The following TDRD5 variants were observed in gnomAD, a reference collection of about 807,000 sequenced individuals.
TDRD5 encodes the protein tudor domain containing 5.
TDRD5 carries 41 observed loss-of-function variants against 120.6 expected under a neutral mutation model. That is an observed-to-expected ratio of 0.34 (90% CI 0.26 to 0.44). TDRD5 has a LOEUF of 0.44. TDRD5 is among the 20% of genes least tolerant of loss of function. The pLI, the probability that TDRD5 is intolerant of heterozygous loss-of-function variation, is 1.00. For missense variants in TDRD5, 1,006 were observed against 1,221.2 expected (o/e 0.82, Z 2.63); for synonymous variants, 430 against 433.7 (o/e 0.99, Z 0.11).
Position 179,635,699 on chromosome 1 carries a change from G to C in TDRD5, c.1332G>C (p.Leu444Phe). The C allele has an allele frequency of 6.2e-7, 1 of 1,613,668 alleles. No individual in the cohort carries two copies. Among genetic ancestry groups the C allele is most frequent in the African/African-American group, 1.3e-5 (1 of 74,864 alleles). ...QVETNKSELN[L>F]AMANHDIPPD... ...AAACAAACAAATCAGAGCTCAACTT[G>C]GCAATGGCAAATCATGACATCCCGC... The change falls in exon 9 of 18, where the codon TTG (leucine) becomes TTC (phenylalanine). Residue 444 changes from leucine (L) to phenylalanine (F), a missense_variant. Leu to Phe is a conservative substitution (Grantham distance 22). Around this residue, in one of 3 missense-constraint regions of TDRD5, gnomAD observed 445 missense variants for 515.5 expected, o/e 0.86. Coordinates refer to ENST00000444136, the MANE Select transcript of TDRD5 (RefSeq NM_001199085.3).
chr1:179,633,532 A>G (rs777821377), intron 7 of TDRD5, among the ~76,000 whole-genome samples: 18 of 151,602 alleles, frequency 1.2e-4, no homozygotes, highest in Admixed American at 3.3e-4. Context: ...TTGTATTTTT[A>G]GTAGAGATGG....
intron 14 of TDRD5, among the ~76,000 whole-genome samples, chr1:179,656,138 T>C (rs771518506): frequency 1.3e-5 from 2 of 152,250 alleles, no homozygotes; most frequent in Non-Finnish European, 2.9e-5. Flanking sequence ...GCCATTTTAA[T>C]AGGTGTGTAG....
At chr1:179,655,156 A>C (rs1273962308) in intron 14 of TDRD5, among the ~76,000 whole-genome samples, 1 of 151,926 alleles carries the variant, frequency 6.6e-6, no homozygotes, top group African/African-American at 2.4e-5. Context: ...TCATGTTGTT[A>C]TTTGTTATTT....
intron 7 of TDRD5, 117 bp downstream of exon 7, chr1:179,631,037 T>C: frequency 9.7e-7 from 1 of 1,027,924 alleles, no homozygotes; most frequent in Non-Finnish European, 1.4e-6. Flanking sequence ...TCCTTTCTGG[T>C]GGTATTTGTT....
chr1:179,639,475 A>G (rs1016980027), intron 9 of TDRD5, among the ~76,000 whole-genome samples: 7 of 152,224 alleles, frequency 4.6e-5, no homozygotes, highest in African/African-American at 1.2e-4. Flanking sequence ...CGCTGCAGCA[A>G]GATAATGTGT....
intron 8 of TDRD5, 74 bp from the exon 9 acceptor site, chr1:179,635,593 T>C (rs1239429323): frequency 7.5e-7 from 1 of 1,325,180 alleles, no homozygotes; most frequent in Non-Finnish European, 1.0e-6. Context: ...ATTCATGAAA[T>C]GTGCTTTGAG....
chr1:179,648,858 G>T (rs977160879), intron 11 of TDRD5, among the ~76,000 whole-genome samples: 1 of 152,066 alleles, frequency 6.6e-6, no homozygotes, highest in Non-Finnish European at 1.5e-5. Context: ...CCTTCGTCAG[G>T]ACCCATTTTC....
chr1:179,615,252 G>A (rs888547746), intron 4 of TDRD5, among the ~76,000 whole-genome samples: 4 of 152,046 alleles, frequency 2.6e-5, no homozygotes, highest in Non-Finnish European at 4.4e-5. Context: ...CACTTAATAC[G>A]GTGTACAGCA....
intron 4 of TDRD5, among the ~76,000 whole-genome samples, chr1:179,610,171 A>C (rs1300094532): frequency 6.6e-6 from 1 of 152,198 alleles, no homozygotes; most frequent in Non-Finnish European, 1.5e-5. Flanking sequence ...CTTTTATTTT[A>C]AATGGTGAAA....
At chr1:179,630,100 C>A (rs1207558985) in intron 6 of TDRD5, among the ~76,000 whole-genome samples, 1 of 151,936 alleles carries the variant, frequency 6.6e-6, no homozygotes, top group African/African-American at 2.4e-5. Flanking sequence ...CGGGTTCATG[C>A]CATTCTCCGG....
chr1:179,620,321 G>GAT (rs1304771618), intron 5 of TDRD5, among the ~76,000 whole-genome samples: 1 of 151,904 alleles, frequency 6.6e-6, no homozygotes, highest in Non-Finnish European at 1.5e-5. Context: ...ACTTTATTGG[G>GAT]ATAGAGTAAG....
chr1:179,657,627 C>A (rs1374743209), intron 14 of TDRD5, among the ~76,000 whole-genome samples: 2 of 88,710 alleles, frequency 2.3e-5, no homozygotes, highest in East Asian at 9.0e-4. Flanking sequence ...TAAAATAAAT[C>A]TGAATATATT....
intron 5 of TDRD5, among the ~76,000 whole-genome samples, chr1:179,619,975 A>G (rs764590367): frequency 6.6e-6 from 1 of 152,224 alleles, no homozygotes; most frequent in Non-Finnish European, 1.5e-5. Context: ...TTATGTATCA[A>G]TATTGGATAT....
chr1:179,599,905 T>C (rs1675613327), intron 4 of TDRD5, among the ~76,000 whole-genome samples: 1 of 152,188 alleles, frequency 6.6e-6, no homozygotes, highest in African/African-American at 2.4e-5. Context: ...GTGACAGTCA[T>C]ATATATAGCA....
At chr1:179,681,001 C>T (rs1433510157) in intron 17 of TDRD5, among the ~76,000 whole-genome samples, 1 of 152,100 alleles carries the variant, frequency 6.6e-6, no homozygotes, top group African/African-American at 2.4e-5. Context: ...CCAAAGATTC[C>T]AATTAAAAGA....
Position 179,691,164 on chromosome 1 carries a change from G to C in TDRD5, c.*221G>C. 2.0e-6 allele frequency: 1 copy of C among 509,236 alleles called. No individual in the cohort carries two copies. Among genetic ancestry groups the C allele is most frequent in the Non-Finnish European group, 3.1e-6 (1 of 320,420 alleles). 31.5% of individuals were successfully genotyped at this position (509,236 alleles called of 1,614,324 possible). A position where few individuals can be genotyped will look rare whatever the true frequency, so the allele number is the denominator to read the frequency against. On this transcript the variant is annotated 3_prime_UTR_variant, in exon 18 of 18. Coordinates refer to ENST00000444136, the MANE Select transcript of TDRD5 (RefSeq NM_001199085.3). ...TCTTGATTTTTCTTGATTTTATTCT[G>C]TGTCATTTTGTTCACCTTTGTTTTT...
At chr1:179,687,095 T>C (rs991375132) in intron 17 of TDRD5, among the ~76,000 whole-genome samples, 1 of 152,198 alleles carries the variant, frequency 6.6e-6, no homozygotes, top group Non-Finnish European at 1.5e-5. Context: ...CTTTTGAATG[T>C]GTTTGCTCTT....
intron 5 of TDRD5, 78 bp from the exon 6 acceptor site, chr1:179,620,957 A>G: frequency 8.8e-7 from 1 of 1,135,930 alleles, no homozygotes; most frequent in Non-Finnish European, 1.2e-6. Context: ...CTTTGTTGTT[A>G]TTTGTTTATA....
At chr1:179,603,018 G>A (rs1675799168) in intron 4 of TDRD5, among the ~76,000 whole-genome samples, 1 of 152,158 alleles carries the variant, frequency 6.6e-6, no homozygotes, top group South Asian at 2.1e-4. Context: ...AGCATGGGAT[G>A]TGTTTCCATT....
Sources: allele counts gnomAD v4.1 joint callset (sites outside exome capture counted in the v4.1 genomes callset), GRCh38; gene constraint gnomAD v4.1.1; regional missense constraint gnomAD v4.1.1; transcripts MANE v1.5; gene names NCBI Gene and HGNC (gene_info 2026-07-23, HGNC 2026-07-21).